KATNAL2: variants seen among roughly 807,000 people sequenced by gnomAD.
The protein encoded by KATNAL2 is katanin p60 ATPase-containing subunit A-like 2.
KATNAL2 carries 52 observed loss-of-function variants against 76.3 expected under a neutral mutation model. The observed-to-expected ratio is 0.68, with a 90% CI of 0.55 to 0.86. The LOEUF (loss-of-function observed/expected upper bound fraction) is 0.86, where lower values mean the gene tolerates loss of function less well. KATNAL2 is among the 40% of genes least tolerant of loss of function. KATNAL2 has a pLI of 0.00. For synonymous variants in KATNAL2, 243 were observed against 244.2 expected (o/e 1.00, Z 0.05); for missense variants, 660 against 668.9 (o/e 0.99, Z 0.15).
chr18:46,960,316 G>C lies in KATNAL2; in HGVS notation c.51+13393G>C, dbSNP rs111735182. Among the ~76,000 whole-genome samples the C allele has an allele frequency of 3.7e-3, 563 of 152,028 alleles. 7 individuals are homozygous for C. The highest frequency in any genetic ancestry group is 0.013 in the African/African-American group (541 of 41,438). ...TAGCTGGGCATGGTGGTGGGCGCCT[G>C]TAATGCCAGCTACTCGGGAGGCTAA... On this transcript the variant is annotated intron_variant, in intron 3 of 17. Transcript: ENST00000683218.
Position 46,917,606 on chromosome 18 carries a change from C to T in KATNAL2, c.-830C>T. On this transcript the variant is annotated 5_prime_UTR_variant, in exon 1 of 18. Coordinates refer to ENST00000683218, the MANE Select transcript of KATNAL2 (RefSeq NM_001387690.1). ...CCGCCTTCCGCCCGCGCCTTCAGTCCGCGCGGCGACAGCGCCCGCCCGCGC... is the reference window on the plus strand; with the variant it reads ...CCGCCTTCCGCCCGCGCCTTCAGTCTGCGCGGCGACAGCGCCCGCCCGCGC... The T allele has an allele frequency of 4.0e-6, 4 of 997,898 alleles. No homozygotes were observed. Among genetic ancestry groups the T allele is most frequent in the Non-Finnish European group, 3.6e-6 (3 of 831,536 alleles). 61.8% of individuals were successfully genotyped at this position (997,898 alleles called of 1,614,324 possible). A position where few individuals can be genotyped will look rare whatever the true frequency, so the allele number is the denominator to read the frequency against.
intron 4 of KATNAL2, 77 bp from the exon 5 acceptor site, chr18:47,052,803 T>C (rs1392373178): frequency 8.6e-7 from 1 of 1,169,544 alleles, no homozygotes; most frequent in Non-Finnish European, 1.2e-6. Flanking sequence ...TTGCATCCCT[T>C]TAGACTTGTA....
chr18:47,025,095 TCTCCC>T (rs1404928706), intron 3 of KATNAL2, among the ~76,000 whole-genome samples: 2 of 94,836 alleles, frequency 2.1e-5, no homozygotes, highest in Non-Finnish European at 4.2e-5. Flanking sequence ...CCCTCTAGCA[TCTCCC>T]CCCCCCACCC....
intron 4 of KATNAL2, among the ~76,000 whole-genome samples, chr18:47,049,169 G>A (rs1177021648): frequency 6.6e-6 from 1 of 152,182 alleles, no homozygotes; most frequent in African/African-American, 2.4e-5. Context: ...GCTAATCTGT[G>A]ATCTTGGACA....
At chr18:47,041,260 T>A (rs183277371) in intron 3 of KATNAL2, among the ~76,000 whole-genome samples, 6 of 152,334 alleles carry the variant, frequency 3.9e-5, no homozygotes, top group Admixed American at 3.9e-4. Flanking sequence ...TTGTACATTC[T>A]GTGGTTTTGG....
chr18:47,034,998 G>A (rs2060697117), intron 3 of KATNAL2: 1 of 1,611,570 alleles, frequency 6.2e-7, no homozygotes, highest in South Asian at 1.1e-5. Context: ...TCTCCTCAGG[G>A]TCCTGTGGGC....
chr18:47,059,551 T>G lies in KATNAL2; in HGVS notation c.451-5T>G. 1 of 1,594,070 alleles carries G rather than the reference T, an allele frequency of 6.3e-7. No individual in the cohort carries two copies. On this transcript the variant is annotated splice_region_variant and splice_polypyrimidine_tract_variant and intron_variant, in intron 7 of 17. Transcript: ENST00000683218. ...GCCGATGTGTCCTTGTCTCTCTTTC[T>G]TCAGGAGGTAGTTGATAACACTCGC...
chr18:47,075,136 T>C, intron 13 of KATNAL2, 141 bp from the exon 14 acceptor site: 1 of 544,594 alleles, frequency 1.8e-6, no homozygotes, highest in Non-Finnish European at 3.1e-6. Context: ...GAAATGATTG[T>C]AATGATTATA....
chr18:47,087,351 T>C (rs148434987), intron 15 of KATNAL2, among the ~76,000 whole-genome samples: 4,025 of 152,230 alleles, frequency 0.026, 99 homozygotes, highest in Middle Eastern at 0.038. Flanking sequence ...ATATATACCA[T>C]GGAATACCAT....
chr18:46,960,508 C>G (rs183005096), intron 3 of KATNAL2, among the ~76,000 whole-genome samples: 9 of 151,510 alleles, frequency 5.9e-5, no homozygotes, highest in Non-Finnish European at 1.0e-4. Flanking sequence ...TTGCTTAGAA[C>G]TGGGAGGGAA....
intron 7 of KATNAL2, among the ~76,000 whole-genome samples, chr18:47,059,245 C>A (rs1487176314): frequency 2.0e-5 from 3 of 152,130 alleles, no homozygotes; most frequent in African/African-American, 7.2e-5. Flanking sequence ...CCCCTGATCA[C>A]AGGAGAAAAG....
intron 14 of KATNAL2, chr18:47,076,032 A>G (rs1244547775): frequency 2.6e-5 from 4 of 152,202 alleles, no homozygotes; most frequent in Non-Finnish European, 1.5e-5. Context: ...TGTCTTGATC[A>G]GAGGTATTTT....
At chr18:47,048,327 C>G (rs1298662111) in intron 4 of KATNAL2, among the ~76,000 whole-genome samples, 2 of 152,196 alleles carry the variant, frequency 1.3e-5, no homozygotes, top group Non-Finnish European at 2.9e-5. Context: ...CAGTGACCCT[C>G]GTCCTGGAGA....
At position 47,077,317 on chromosome 18, in the gene KATNAL2, A is replaced by T. The variant is rs780155604; in HGVS notation, c.1101-34A>T. The T allele has an allele frequency of 2.0e-6, 3 of 1,520,704 alleles. No homozygotes were observed. In the South Asian group the frequency reaches 3.4e-5, roughly 17 times the overall value. 94.2% of individuals were successfully genotyped at this position (1,520,704 alleles called of 1,614,324 possible). The stretch of plus-strand genomic sequence containing the variant: ...TCTTGTCATGAGGGCGAAGGCTCTG[A>T]CACTTAGGAGAATCACGTCTTGTCT... On this transcript the variant is annotated intron_variant, in intron 14 of 17. Transcript: ENST00000683218.
intron 3 of KATNAL2, among the ~76,000 whole-genome samples, chr18:46,961,137 CA>C (rs1395915855): frequency 2.0e-5 from 3 of 152,220 alleles, no homozygotes; most frequent in Non-Finnish European, 1.5e-5. Context: ...TAGTTTAGGT[CA>C]GGGGTAGATT....
intron 1 of KATNAL2, among the ~76,000 whole-genome samples, chr18:46,922,932 G>T (rs1315054441): frequency 5.5e-5 from 8 of 146,622 alleles, no homozygotes; most frequent in African/African-American, 2.0e-4. Flanking sequence ...TATTATATAT[G>T]ATATTGTATA....
chr18:46,965,585 C>CG (rs1275116240), intron 3 of KATNAL2, among the ~76,000 whole-genome samples: 1,425 of 89,354 alleles, frequency 0.016, 4 homozygotes, highest in Middle Eastern at 0.042. Context: ...ATCCCCGCCC[C>CG]CCCCCCCCCG....
chr18:46,932,124 G>C (rs1345101172), intron 1 of KATNAL2, among the ~76,000 whole-genome samples: 1 of 151,888 alleles, frequency 6.6e-6, no homozygotes, highest in African/African-American at 2.4e-5. Flanking sequence ...TGTTAGCCAG[G>C]ATGGTCTCGA....
intron 15 of KATNAL2, among the ~76,000 whole-genome samples, chr18:47,089,867 C>T (rs1193649879): frequency 6.6e-6 from 1 of 152,110 alleles, no homozygotes; most frequent in South Asian, 2.1e-4. Context: ...AAGTAAGTAG[C>T]CCTGCACCTA....
Sources: allele counts gnomAD v4.1 joint callset (sites outside exome capture counted in the v4.1 genomes callset), GRCh38; gene constraint gnomAD v4.1.1; transcripts MANE v1.5; gene names NCBI Gene and HGNC (gene_info 2026-07-23, HGNC 2026-07-21).